Variants in ITGA9 observed in about 807,000 individuals in gnomAD.
ITGA9 encodes integrin alpha-9.
ITGA9 carries 56 observed loss-of-function variants against 127.8 expected under a neutral mutation model. The ratio of observed to expected loss-of-function variants is 0.44; its 90% confidence interval spans 0.35 to 0.55. ITGA9 has a LOEUF of 0.55. Among genes scored for constraint, ITGA9 ranks in the 20% least tolerant of loss-of-function variants. ITGA9 has a pLI of 0.00. For synonymous variants in ITGA9, 508 were observed against 514.5 expected (o/e 0.99, Z 0.17); for missense variants, 1,196 against 1,347.1 (o/e 0.89, Z 1.76).
In ITGA9 at chr3:37,664,264, A is replaced by G. The variant is rs551563989; in HGVS notation, c.1916+10474A>G. On this transcript the variant is annotated intron_variant, in intron 17 of 27. Transcript: ENST00000264741. Reference sequence around the variant, plus strand: ...CAATCCAGAGAGGAGGTAGATGGGCAAAAAATCCACCAGCAAAGATAGCTG... The same window carrying G: ...CAATCCAGAGAGGAGGTAGATGGGCGAAAAATCCACCAGCAAAGATAGCTG... 2.0e-5 allele frequency among the ~76,000 whole-genome samples: 3 copies of G among 152,198 alleles called. No individual in the cohort carries two copies. In the South Asian group the frequency reaches 6.2e-4, roughly 32 times the overall value.
chr3:37,638,104 G>A (rs186025113), intron 16 of ITGA9, among the ~76,000 whole-genome samples: 2 of 152,274 alleles, frequency 1.3e-5, no homozygotes, highest in Admixed American at 1.3e-4. Context: ...GGATCGTTAT[G>A]TGAGATAAAT....
chr3:37,767,938 G>C (rs1696798150), intron 23 of ITGA9, among the ~76,000 whole-genome samples: 2 of 152,176 alleles, frequency 1.3e-5, no homozygotes, highest in South Asian at 4.1e-4. Context: ...AGCAATCTAA[G>C]ATCATTATTG....
intron 8 of ITGA9, among the ~76,000 whole-genome samples, chr3:37,510,765 T>C (rs140932758): frequency 1.1e-4 from 16 of 152,292 alleles, no homozygotes; most frequent in African/African-American, 3.8e-4. Flanking sequence ...CTTTTTCTTT[T>C]CTTTAGGGCT....
intron 23 of ITGA9, among the ~76,000 whole-genome samples, chr3:37,768,578 G>A (rs1379470653): frequency 6.6e-6 from 1 of 152,134 alleles, no homozygotes; most frequent in Non-Finnish European, 1.5e-5. Context: ...GATAAGTCAG[G>A]GGGTGGGTCA....
intron 17 of ITGA9, among the ~76,000 whole-genome samples, chr3:37,683,363 C>G (rs1700751511): frequency 2.6e-5 from 4 of 152,238 alleles, no homozygotes; most frequent in Admixed American, 2.6e-4. Flanking sequence ...GTAAGTCTGG[C>G]ATGTTCTATC....
chr3:37,565,442 A>G (rs1575151828), intron 15 of ITGA9, among the ~76,000 whole-genome samples: 1 of 152,348 alleles, frequency 6.6e-6, no homozygotes, highest in Non-Finnish European at 1.5e-5. Flanking sequence ...TCAAAGATAC[A>G]GAAAGATAAT....
chr3:37,464,824 A>G (rs138064063), intron 1 of ITGA9, among the ~76,000 whole-genome samples: 1 of 152,318 alleles, frequency 6.6e-6, no homozygotes, highest in Non-Finnish European at 1.5e-5. Flanking sequence ...TCCATTGGGC[A>G]AGCATTGGTC....
At chr3:37,465,762 G>A (rs532809778) in intron 1 of ITGA9, among the ~76,000 whole-genome samples, 254 of 152,258 alleles carry the variant, frequency 1.7e-3, no homozygotes, top group Non-Finnish European at 2.7e-3. Context: ...TTGACATGAC[G>A]GAGCTTTCAC....
chr3:37,553,400 C>G (rs982072324), intron 15 of ITGA9, among the ~76,000 whole-genome samples: 2 of 152,232 alleles, frequency 1.3e-5, no homozygotes, highest in Non-Finnish European at 2.9e-5. Flanking sequence ...TCTCTTTAGT[C>G]TGGAAAAGTC....
chr3:37,481,391 C>G, intron 3 of ITGA9, 93 bp from the exon 4 acceptor site: 1 of 1,535,960 alleles, frequency 6.5e-7, no homozygotes, highest in Non-Finnish European at 9.0e-7. Flanking sequence ...CCTCTCTTCT[C>G]CCACAGAAAG....
chr3:37,740,667 TCTCC>T (rs1696422200), intron 20 of ITGA9, among the ~76,000 whole-genome samples: 1 of 152,170 alleles, frequency 6.6e-6, no homozygotes, highest in South Asian at 2.1e-4. Flanking sequence ...GGGTGCTCCA[TCTCC>T]CTCTGGGGTT....
chr3:37,463,173 G>A (rs1294259418), intron 1 of ITGA9, among the ~76,000 whole-genome samples: 2 of 152,204 alleles, frequency 1.3e-5, no homozygotes, highest in African/African-American at 4.8e-5. Flanking sequence ...GAATTAGTGG[G>A]CGATGGAATT....
intron 18 of ITGA9, among the ~76,000 whole-genome samples, chr3:37,723,029 A>G (rs1433330288): frequency 6.6e-6 from 1 of 152,184 alleles, no homozygotes; most frequent in Non-Finnish European, 1.5e-5. Context: ...AGGAAGTAGC[A>G]TCTCTTTGTG....
At chr3:37,549,530 A>G (rs1344759595) in intron 15 of ITGA9, among the ~76,000 whole-genome samples, 1 of 152,158 alleles carries the variant, frequency 6.6e-6, no homozygotes, top group African/African-American at 2.4e-5. Flanking sequence ...ACAGTTATTC[A>G]TTTACACTGG....
chr3:37,694,428 G>A (rs575907263), intron 18 of ITGA9, among the ~76,000 whole-genome samples: 5 of 152,346 alleles, frequency 3.3e-5, no homozygotes, highest in East Asian at 1.9e-4. Context: ...CGCTTCCTGC[G>A]GCAGTCGGCA....
intron 25 of ITGA9, among the ~76,000 whole-genome samples, chr3:37,783,874 T>G (rs910001663): frequency 6.6e-6 from 1 of 152,232 alleles, no homozygotes; most frequent in Non-Finnish European, 1.5e-5. Flanking sequence ...CCAAGTCACA[T>G]ATACAGACCA....
intron 15 of ITGA9, among the ~76,000 whole-genome samples, chr3:37,548,773 A>G (rs1050639199): frequency 6.6e-6 from 1 of 152,168 alleles, no homozygotes; most frequent in African/African-American, 2.4e-5. Flanking sequence ...CATATGTCCT[A>G]CAGAGGACAA....
chr3:37,548,480 TAAAA>T (rs1052674032), intron 15 of ITGA9, among the ~76,000 whole-genome samples: 1 of 152,196 alleles, frequency 6.6e-6, no homozygotes, highest in African/African-American at 2.4e-5. Context: ...CTTATTTTGT[TAAAA>T]AAAGTTTCGT....
At chr3:37,636,548 G>T (rs1700280737) in intron 16 of ITGA9, among the ~76,000 whole-genome samples, 1 of 152,132 alleles carries the variant, frequency 6.6e-6, no homozygotes, top group Non-Finnish European at 1.5e-5. Context: ...TGTCAGATGA[G>T]TAGGTTGCAG....
Sources: allele counts gnomAD v4.1 joint callset (sites outside exome capture counted in the v4.1 genomes callset), GRCh38; gene constraint gnomAD v4.1.1; transcripts MANE v1.5; gene names NCBI Gene and HGNC (gene_info 2026-07-23, HGNC 2026-07-21).